LY86: variants seen among roughly 807,000 people sequenced by gnomAD.
LY86 encodes the protein lymphocyte antigen 86.
Under a neutral mutation model 17.3 loss-of-function variants are expected in LY86, and 20 were observed. That is an observed-to-expected ratio of 1.15 (90% CI 0.81 to 1.68). LY86 has a LOEUF of 1.68. Ranked by LOEUF, LY86 falls within the 40% of genes most tolerant of loss-of-function variation. The pLI is 0.00. For synonymous variants in LY86, 74 were observed against 70.6 expected (o/e 1.05, Z -0.24); for missense variants, 200 against 191.9 (o/e 1.04, Z -0.25).
At chr6:6,614,099 A>G (rs1331697629) in intron 1 of LY86, among the ~76,000 whole-genome samples, 1 of 152,190 alleles carries the variant, frequency 6.6e-6, no homozygotes, top group Non-Finnish European at 1.5e-5. Flanking sequence ...CCAGAAGAAA[A>G]TCAGTGTTTA....
chr6:6,612,140 G>T (rs1012309008), intron 1 of LY86, among the ~76,000 whole-genome samples: 1 of 150,954 alleles, frequency 6.6e-6, no homozygotes, highest in Non-Finnish European at 1.5e-5. Context: ...CAACTCCTAA[G>T]ATTGATAGAT....
intron 1 of LY86, among the ~76,000 whole-genome samples, chr6:6,609,858 AAAG>A (rs1314269679): frequency 1.3e-5 from 2 of 152,120 alleles, no homozygotes; most frequent in Non-Finnish European, 2.9e-5. Context: ...AAAAAAAAAA[AAAG>A]AATTCGTGCT....
At chr6:6,642,105 C>G (rs907463898) in intron 3 of LY86, among the ~76,000 whole-genome samples, 1 of 152,246 alleles carries the variant, frequency 6.6e-6, no homozygotes, top group South Asian at 2.1e-4. Context: ...GATGCCCACT[C>G]CAGCAGCCGG....
At chr6:6,604,838 G>GAAA (rs5874043) in intron 1 of LY86, among the ~76,000 whole-genome samples, 7 of 146,590 alleles carry the variant, frequency 4.8e-5, no homozygotes, top group Non-Finnish European at 6.0e-5. Context: ...ACCACCAAAG[G>GAAA]AAAAAAAAAA....
chr6:6,592,030 G>A (rs1760546049), intron 1 of LY86, among the ~76,000 whole-genome samples: 1 of 152,178 alleles, frequency 6.6e-6, no homozygotes, highest in Admixed American at 6.5e-5. Flanking sequence ...AAGATCCTCG[G>A]GCAGTAAGCA....
chr6:6,595,320 G>A (rs1271064955), intron 1 of LY86, among the ~76,000 whole-genome samples: 2 of 147,506 alleles, frequency 1.4e-5, no homozygotes, highest in South Asian at 2.3e-4. Flanking sequence ...GGAGGTGGAA[G>A]AGGAGGAAGA....
chr6:6,608,334 A>T (rs1761248398), intron 1 of LY86, among the ~76,000 whole-genome samples: 1 of 152,256 alleles, frequency 6.6e-6, no homozygotes, highest in Non-Finnish European at 1.5e-5. Context: ...AATTTATTAC[A>T]TTATTTCAAG....
intron 1 of LY86, among the ~76,000 whole-genome samples, chr6:6,613,745 C>T (rs1581242497): frequency 6.6e-6 from 1 of 152,244 alleles, no homozygotes; most frequent in Non-Finnish European, 1.5e-5. Flanking sequence ...AGAGTGGGCG[C>T]CAAGGCCGAG....
chr6:6,606,473 A>C (rs1020784787), intron 1 of LY86, among the ~76,000 whole-genome samples: 2 of 152,084 alleles, frequency 1.3e-5, no homozygotes, highest in Non-Finnish European at 2.9e-5. Flanking sequence ...GCGCACCCGC[A>C]CTCCTCAGCC....
At chr6:6,595,374 AG>A (rs1342142076) in intron 1 of LY86, among the ~76,000 whole-genome samples, 3 of 116,994 alleles carry the variant, frequency 2.6e-5, no homozygotes, top group Non-Finnish European at 3.9e-5. Flanking sequence ...AGAAGAAAGA[AG>A]AGAGGGGAGA....
At chr6:6,614,264 TACAA>T (rs1309709551) in intron 1 of LY86, among the ~76,000 whole-genome samples, 1 of 152,188 alleles carries the variant, frequency 6.6e-6, no homozygotes, top group Admixed American at 6.5e-5. Context: ...TTGACTGCCT[TACAA>T]ACACAGACCG....
chr6:6,611,192 A>G (rs908917046), intron 1 of LY86, among the ~76,000 whole-genome samples: 1 of 152,190 alleles, frequency 6.6e-6, no homozygotes, highest in African/African-American at 2.4e-5. Flanking sequence ...TTTTATGAAG[A>G]GCTTTTGTTG....
At chr6:6,650,632 A>G (rs1360620372) in intron 4 of LY86, among the ~76,000 whole-genome samples, 1 of 152,144 alleles carries the variant, frequency 6.6e-6, no homozygotes, top group East Asian at 1.9e-4. Context: ...AATCTTATGG[A>G]ACAATATGAA....
intron 1 of LY86, among the ~76,000 whole-genome samples, chr6:6,613,596 C>T (rs1450119192): frequency 2.0e-5 from 3 of 152,212 alleles, no homozygotes; most frequent in African/African-American, 4.8e-5. Context: ...CCGCAAGCGC[C>T]GCGCGCCGCC....
intron 3 of LY86, among the ~76,000 whole-genome samples, chr6:6,636,741 T>C (rs960370453): frequency 6.6e-6 from 1 of 152,188 alleles, no homozygotes; most frequent in Non-Finnish European, 1.5e-5. Context: ...CATTCCTTTC[T>C]TCCTTTCATG....
intron 3 of LY86, among the ~76,000 whole-genome samples, chr6:6,628,464 G>C (rs571830980): frequency 6.6e-6 from 1 of 151,844 alleles, no homozygotes. Flanking sequence ...TTATTTGGAT[G>C]GTCCCCTTAG....
intron 1 of LY86, among the ~76,000 whole-genome samples, chr6:6,594,036 GTTTGTAAGGGTCAGATAGAGT>G (rs1322769297): frequency 1.3e-5 from 2 of 152,228 alleles, no homozygotes; most frequent in African/African-American, 4.8e-5. Flanking sequence ...GTTACTGGAT[GTTTGTAAGGGTCAGATAGAGT>G]TCTGGATTGT....
At position 6,605,716 on chromosome 6, in the gene LY86, C is replaced by G. The variant is rs180798919; in HGVS notation, c.136+16846C>G. ...TAAAGAATGAAGCCGCGGAACCTCG[C>G]GGTGAGTGTTACAGTTCTTAAAAGG... On this transcript the variant is annotated intron_variant, in intron 1 of 4. Transcript: ENST00000230568. Among the ~76,000 whole-genome samples the G allele has an allele frequency of 1.1e-4, 16 of 151,954 alleles. No homozygotes were observed. The South Asian group carries it at 2.9e-3, about 28-fold the overall frequency.
chr6:6,595,368 G>A lies in LY86; in HGVS notation c.136+6498G>A, dbSNP rs1343342589. The stretch of plus-strand genomic sequence containing the variant: ...GAAGCAGGAGAGGAGAAGGGGAGAA[G>A]AAAGAAGAGAGGGGAGAAGAGAAGG... On this transcript the variant is annotated intron_variant, in intron 1 of 4. Coordinates refer to ENST00000230568, the MANE Select transcript of LY86 (RefSeq NM_004271.4). Among the ~76,000 whole-genome samples, 3 of 59,026 alleles carry A rather than the reference G, an allele frequency of 5.1e-5. No individual in the cohort carries two copies. The East Asian group carries it at 1.9e-3, about 37-fold the overall frequency. The allele number at this position is 59,026 out of a possible 152,430, so 38.7% of individuals were successfully genotyped here.
Sources: allele counts gnomAD v4.1 joint callset (sites outside exome capture counted in the v4.1 genomes callset), GRCh38; gene constraint gnomAD v4.1.1; transcripts MANE v1.5; gene names NCBI Gene and HGNC (gene_info 2026-07-23, HGNC 2026-07-21).